OSBPL6: variants seen among roughly 807,000 people sequenced by gnomAD.
OSBPL6 encodes the protein oxysterol-binding protein-related protein 6.
OSBPL6 carries 49 observed loss-of-function variants against 125.8 expected under a neutral mutation model. That is an observed-to-expected ratio of 0.39 (90% CI 0.31 to 0.49). OSBPL6 has a LOEUF of 0.49. Ranked by LOEUF, OSBPL6 falls within the 20% of genes least tolerant of loss-of-function variation. The probability of loss-of-function intolerance (pLI) is 0.88; values close to 1 mark genes in which losing one functional copy is unlikely to be tolerated. For synonymous variants in OSBPL6, 394 were observed against 391.8 expected, an observed-to-expected ratio of 1.01 and a Z score of -0.07; for missense variants, 986 against 1,135.4, an observed-to-expected ratio of 0.87 and a Z score of 1.89.
intron 1 of OSBPL6, among the ~76,000 whole-genome samples, chr2:178,233,517 A>G (rs1023470039): frequency 6.6e-6 from 1 of 152,200 alleles, no homozygotes; most frequent in African/African-American, 2.4e-5. Context: ...GGATATTATT[A>G]CTTTAGTCAT....
intron 1 of OSBPL6, among the ~76,000 whole-genome samples, chr2:178,276,583 G>A (rs2092474060): frequency 6.6e-6 from 1 of 151,990 alleles, no homozygotes; most frequent in Non-Finnish European, 1.5e-5. Context: ...ATGTTGCCCA[G>A]GCTGGTCTCG....
chr2:178,282,220 T>C (rs1395379272), intron 1 of OSBPL6, among the ~76,000 whole-genome samples: 1 of 152,230 alleles, frequency 6.6e-6, no homozygotes, highest in African/African-American at 2.4e-5. Flanking sequence ...AGATGGATGC[T>C]CCTTGGGCTA....
rs145641270 is a variant in OSBPL6, at chr2:178,323,599, A to G, written c.103-578A>G. Reference sequence around the variant, plus strand: ...TGCTTCAGCTTCCCAAGTAGCTGGAATTGCAGGCTTCCATCACCATGCCGG... The same window carrying G: ...TGCTTCAGCTTCCCAAGTAGCTGGAGTTGCAGGCTTCCATCACCATGCCGG... On this transcript the variant is annotated intron_variant, in intron 3 of 24. Coordinates refer to ENST00000190611, the MANE Select transcript of OSBPL6 (RefSeq NM_032523.4). The G allele has an allele frequency of 6.7e-3, 1,016 of 152,460 alleles. 5 individuals are homozygous for G. The highest frequency in any genetic ancestry group is 0.017 in the South Asian group (81 of 4,826). 9.4% of individuals were successfully genotyped at this position (152,460 alleles called of 1,614,324 possible).
intron 3 of OSBPL6, among the ~76,000 whole-genome samples, chr2:178,309,130 G>C (rs938747417): frequency 6.6e-6 from 1 of 151,924 alleles, no homozygotes; most frequent in Non-Finnish European, 1.5e-5. Context: ...CTCTCAACCA[G>C]ATGCCTCCCT....
chr2:178,291,560 C>G (rs1685260441), intron 2 of OSBPL6, among the ~76,000 whole-genome samples: 1 of 152,074 alleles, frequency 6.6e-6, no homozygotes, highest in Non-Finnish European at 1.5e-5. Context: ...GTTTTCTCTT[C>G]TTTGGTTTGT....
rs200092562 is a variant in OSBPL6 at position 178,205,038 on chromosome 2, A to C, written c.-351+10364A>C. The stretch of plus-strand genomic sequence containing the variant: ...CCCACCGTGAGCCCCAGCCTTTCTC[A>C]GTTTCACAGATGAGAAAATAGAAAT... On this transcript the variant is annotated intron_variant, in intron 1 of 24. Transcript: ENST00000190611. 4.0e-5 allele frequency among the ~76,000 whole-genome samples: 6 copies of C among 151,816 alleles called. No homozygotes were observed. The East Asian group carries it at 9.6e-4, about 24-fold the overall frequency.
chr2:178,327,056 A>G (rs1156568292), intron 4 of OSBPL6, among the ~76,000 whole-genome samples: 4 of 149,774 alleles, frequency 2.7e-5, no homozygotes, highest in African/African-American at 1.0e-4. Context: ...CAGTGGGTAC[A>G]TTGTACACTG....
intron 9 of OSBPL6, among the ~76,000 whole-genome samples, chr2:178,337,842 C>T (rs1378581929): frequency 6.6e-6 from 1 of 151,962 alleles, no homozygotes; most frequent in African/African-American, 2.4e-5. Context: ...TTATATAGAA[C>T]AATCACAAAT....
At chr2:178,304,967 T>C (rs1356119508) in intron 2 of OSBPL6, among the ~76,000 whole-genome samples, 1 of 152,214 alleles carries the variant, frequency 6.6e-6, no homozygotes, top group Non-Finnish European at 1.5e-5. Flanking sequence ...CCATCTTTTT[T>C]TGTTTATCTG....
chr2:178,199,096 CAGGCTTTGCCAT>C (rs542769935), intron 1 of OSBPL6, among the ~76,000 whole-genome samples: 176 of 152,272 alleles, frequency 1.2e-3, no homozygotes, highest in Middle Eastern at 0.01. Flanking sequence ...ATTCTTCACT[CAGGCTTTGCCAT>C]GTTCAGTGCA....
chr2:178,258,100 GT>G (rs896235924), intron 1 of OSBPL6, among the ~76,000 whole-genome samples: 6 of 150,418 alleles, frequency 4.0e-5, no homozygotes, highest in Non-Finnish European at 7.4e-5. Context: ...TAAAGCTCTA[GT>G]TTTTTTTTCT....
intron 3 of OSBPL6, among the ~76,000 whole-genome samples, chr2:178,313,454 T>C (rs1373570315): frequency 1.3e-5 from 2 of 152,174 alleles, no homozygotes; most frequent in African/African-American, 4.8e-5. Context: ...CTCCACCAGG[T>C]TAGACCTTGT....
At position 178,287,142 on chromosome 2, in the gene OSBPL6, C is replaced by CTT. The variant is rs149974443; in HGVS notation, c.-156+2027_-156+2028dup. Reference sequence around the variant, plus strand: ...ACATACTCCTAAAACAATGGTTCTTCTTTTTTTAAAAAAAAAAAAAAAAAA... The same window carrying CTT: ...ACATACTCCTAAAACAATGGTTCTTCTTTTTTTTTAAAAAAAAAAAAAAAAAA... On this transcript the variant is annotated intron_variant, in intron 2 of 24. Transcript: ENST00000190611. Among the ~76,000 whole-genome samples, 340 of 106,528 alleles carry CTT rather than the reference C, an allele frequency of 3.2e-3. 2 individuals are homozygous for CTT. Among genetic ancestry groups the CTT allele is most frequent in the African/African-American group, 0.013 (325 of 25,288 alleles). 69.9% of individuals were successfully genotyped at this position (106,528 alleles called of 152,430 possible).
rs113436825 is a variant in OSBPL6, at chr2:178,211,567, A to G, written c.-351+16893A>G. Among the ~76,000 whole-genome samples the G allele has an allele frequency of 7.5e-3, 1,142 of 152,250 alleles. 15 individuals are homozygous for G. The highest frequency in any genetic ancestry group is 0.025 in the African/African-American group (1,054 of 41,556). On this transcript the variant is annotated intron_variant, in intron 1 of 24. Coordinates refer to ENST00000190611, the MANE Select transcript of OSBPL6 (RefSeq NM_032523.4). The stretch of plus-strand genomic sequence containing the variant: ...TGCTCCTTATTTCCTGACCTCAGCC[A>G]GATGCCATTTTGATAGGGATGCCTT...
intron 1 of OSBPL6, among the ~76,000 whole-genome samples, chr2:178,216,588 G>A (rs1031612319): frequency 6.6e-6 from 1 of 152,184 alleles, no homozygotes; most frequent in Non-Finnish European, 1.5e-5. Context: ...TCACCATTTG[G>A]CAAACATAGT....
chr2:178,230,105 G>A (rs1237689741), intron 1 of OSBPL6, among the ~76,000 whole-genome samples: 5 of 152,286 alleles, frequency 3.3e-5, no homozygotes, highest in East Asian at 1.9e-4. Context: ...TTGGGTGCTG[G>A]GGAGAGGCGA....
At position 178,402,838 on chromosome 2, in the gene OSBPL6, G is replaced by T. The variant is rs1449631446; in HGVS notation, c.*7279G>T. On this transcript the variant is annotated 3_prime_UTR_variant, in exon 25 of 25. Coordinates refer to ENST00000190611, the MANE Select transcript of OSBPL6 (RefSeq NM_032523.4). ...TGCCTCTTCAATGAATGTTGTATAT[G>T]AGAATGTTACATTTGTAACAGCACA... The T allele has an allele frequency of 6.6e-6, 1 of 152,138 alleles. No individual in the cohort carries two copies. The highest frequency in any genetic ancestry group is 2.4e-5 in the African/African-American group (1 of 41,432). The allele number at this position is 152,138 out of a possible 1,614,324, so 9.4% of individuals were successfully genotyped here.
intron 3 of OSBPL6, among the ~76,000 whole-genome samples, chr2:178,316,581 A>G (rs565601323): frequency 1.1e-4 from 17 of 152,300 alleles, no homozygotes; most frequent in African/African-American, 3.4e-4. Context: ...GTTGAGCCAT[A>G]TGAAGAGTTA....
rs757293623 is a variant in OSBPL6 at position 178,389,101 on chromosome 2, C to T, written c.2249C>T (p.Thr750Ile). 1 of 1,613,840 alleles carries T rather than the reference C, an allele frequency of 6.2e-7. No individual in the cohort carries two copies. The highest frequency in any genetic ancestry group is 8.5e-7 in the Non-Finnish European group (1 of 1,179,918). The change falls in exon 21 of 25, where the codon ACC (threonine) becomes ATC (isoleucine). Residue 750 changes from threonine to isoleucine, a missense_variant. Physicochemically the swap from Thr to Ile is moderately conservative, Grantham distance 89 (BLOSUM62 -1). This residue lies in a region of OSBPL6 where 843 missense variants were observed against 997.3 expected (regional missense o/e 0.85). Coordinates refer to ENST00000190611, the MANE Select transcript of OSBPL6 (RefSeq NM_032523.4). ...RRWIEHYGEV[T>I]IRNTKSSVCI... ...TGGATAGAACATTATGGAGAAGTAACCATCAGAAATACCAAAAGCAGTGTT... is the reference window on the plus strand; with the variant it reads ...TGGATAGAACATTATGGAGAAGTAATCATCAGAAATACCAAAAGCAGTGTT...
Sources: allele counts gnomAD v4.1 joint callset (sites outside exome capture counted in the v4.1 genomes callset), GRCh38; gene constraint gnomAD v4.1.1; regional missense constraint gnomAD v4.1.1; transcripts MANE v1.5; gene names NCBI Gene and HGNC (gene_info 2026-07-23, HGNC 2026-07-21).